TNIP3: variants seen among roughly 807,000 people sequenced by gnomAD.
TNIP3 encodes the protein TNFAIP3 interacting protein 3.
TNIP3 carries 34 observed loss-of-function variants against 54.1 expected under a neutral mutation model. That is an observed-to-expected ratio of 0.63 (90% confidence interval 0.48 to 0.84). TNIP3 has a LOEUF of 0.84. Among genes scored for constraint, TNIP3 ranks in the 40% least tolerant of loss-of-function variants. TNIP3 has a pLI of 0.00. For synonymous variants in TNIP3, 134 were observed against 136.8 expected (o/e 0.98, Z 0.14); for missense variants, 366 against 387.6 (o/e 0.94, Z 0.47).
At chr4:121,186,433 G>A (rs1725024354) in intron 2 of TNIP3, among the ~76,000 whole-genome samples, 1 of 152,142 alleles carries the variant, frequency 6.6e-6, no homozygotes, top group Non-Finnish European at 1.5e-5. Context: ...TCACTATAAT[G>A]AATATGCCTC....
At chr4:121,222,932 A>G (rs1359948060) in intron 1 of TNIP3, among the ~76,000 whole-genome samples, 1 of 151,272 alleles carries the variant, frequency 6.6e-6, no homozygotes, top group Non-Finnish European at 1.5e-5. Context: ...CAGCCTCCCG[A>G]GTAGCTGGGA....
chr4:121,147,307 T>G (rs1159109439), intron 6 of TNIP3, 133 bp from the exon 7 acceptor site: 2 of 1,110,570 alleles, frequency 1.8e-6, no homozygotes, highest in Non-Finnish European at 2.4e-6. Context: ...GTGTCACTGT[T>G]TTGGAGCAAG....
At chr4:121,183,413 G>T (rs928834494) in intron 2 of TNIP3, among the ~76,000 whole-genome samples, 4 of 152,208 alleles carry the variant, frequency 2.6e-5, no homozygotes, top group African/African-American at 9.7e-5. Flanking sequence ...TTCCCAGAGG[G>T]AGTTGCTCAT....
At chr4:121,207,951 A>G (rs1196770255) in intron 2 of TNIP3, among the ~76,000 whole-genome samples, 2 of 152,156 alleles carry the variant, frequency 1.3e-5, no homozygotes, top group African/African-American at 2.4e-5. Context: ...GGTTTCCCCC[A>G]TACTGCTCTT....
In TNIP3 at chr4:121,146,955, A is replaced by G. The variant is rs764620592; in HGVS notation, c.735+94T>C. ...GTGCTGACCTTTAAAAAAAAATTCAATGTCAATTAACAGAAGTCCAAACGT... is the reference window on the plus strand; with the variant it reads ...GTGCTGACCTTTAAAAAAAAATTCAGTGTCAATTAACAGAAGTCCAAACGT... On this transcript the variant is annotated intron_variant, in intron 7 of 10. Transcript: ENST00000057513. 282 of 1,414,062 alleles carry G rather than the reference A, an allele frequency of 2.0e-4. 5 individuals carry two copies. The South Asian group carries it at 2.0e-3, about 10-fold the overall frequency. The allele number at this position is 1,414,062 out of a possible 1,614,324, so 87.6% of individuals were successfully genotyped here.
intron 3 of TNIP3, among the ~76,000 whole-genome samples, chr4:121,179,823 G>T (rs116268505): frequency 1.3e-4 from 20 of 151,962 alleles, no homozygotes; most frequent in Non-Finnish European, 2.5e-4. Context: ...TGGCCAGGGT[G>T]GGGGAGGGAT....
At chr4:121,210,580 A>C (rs965971565) in intron 2 of TNIP3, among the ~76,000 whole-genome samples, 1 of 152,160 alleles carries the variant, frequency 6.6e-6, no homozygotes, top group Non-Finnish European at 1.5e-5. Flanking sequence ...AACAATGGGT[A>C]TTTATTTCTC....
chr4:121,193,787 T>A (rs1289680030), intron 2 of TNIP3, among the ~76,000 whole-genome samples: 2 of 152,180 alleles, frequency 1.3e-5, no homozygotes, highest in Middle Eastern at 3.4e-3. Flanking sequence ...CAAACTATGA[T>A]CATATGACAA....
In TNIP3 at chr4:121,155,521, A is replaced by T. The variant is rs1330715139; in HGVS notation, c.364-842T>A. Among the ~76,000 whole-genome samples the T allele has an allele frequency of 2.6e-5, 4 of 152,164 alleles. No homozygotes were observed. The South Asian group carries it at 6.2e-4, about 24-fold the overall frequency. Reference sequence around the variant, plus strand: ...TGTGATTATTATTTTTAAAAGGTAGAAATCAACTAGTCCAACTGCCACCAC... The same window carrying T: ...TGTGATTATTATTTTTAAAAGGTAGTAATCAACTAGTCCAACTGCCACCAC... On this transcript the variant is annotated intron_variant, in intron 4 of 10. Transcript: ENST00000057513.
At chr4:121,187,650 A>G (rs1725091168) in intron 2 of TNIP3, among the ~76,000 whole-genome samples, 1 of 152,248 alleles carries the variant, frequency 6.6e-6, no homozygotes, top group African/African-American at 2.4e-5. Context: ...AGGTCCCTCC[A>G]ACTGAAATGT....
At chr4:121,174,106 G>T (rs1008436251) in intron 3 of TNIP3, among the ~76,000 whole-genome samples, 1 of 152,166 alleles carries the variant, frequency 6.6e-6, no homozygotes, top group African/African-American at 2.4e-5. Context: ...AATCTTTTCT[G>T]CATCATTCCT....
At chr4:121,178,444 G>A (rs1018258452) in intron 3 of TNIP3, among the ~76,000 whole-genome samples, 9 of 152,182 alleles carry the variant, frequency 5.9e-5, no homozygotes, top group Admixed American at 2.6e-4. Context: ...CACCTCAGTC[G>A]CAAGAGCAAT....
intron 1 of TNIP3, among the ~76,000 whole-genome samples, chr4:121,223,801 A>C (rs1308808944): frequency 1.3e-5 from 2 of 152,230 alleles, no homozygotes; most frequent in Admixed American, 1.3e-4. Context: ...TTAGCAACTA[A>C]GAGGAAAGAG....
At chr4:121,213,072 G>T (rs1050712579) in intron 2 of TNIP3, among the ~76,000 whole-genome samples, 13 of 152,008 alleles carry the variant, frequency 8.6e-5, no homozygotes, top group Non-Finnish European at 1.3e-4. Context: ...TACTCACATG[G>T]AGAAAAAAAG....
intron 1 of TNIP3, 123 bp downstream of exon 1, chr4:121,163,937 C>T (rs537924481): frequency 7.1e-6 from 8 of 1,132,538 alleles, no homozygotes; most frequent in Non-Finnish European, 9.6e-6. Context: ...AAATATAGAG[C>T]AAATCTTAGC....
chr4:121,181,590 G>T (rs1724701469), intron 3 of TNIP3, among the ~76,000 whole-genome samples: 1 of 151,458 alleles, frequency 6.6e-6, no homozygotes, highest in Non-Finnish European at 1.5e-5. Flanking sequence ...AGTATCCACA[G>T]CATATTAAGT....
chr4:121,171,132 T>C (rs1465011247), intron 3 of TNIP3, among the ~76,000 whole-genome samples: 1 of 152,178 alleles, frequency 6.6e-6, no homozygotes, highest in Non-Finnish European at 1.5e-5. Flanking sequence ...GGATATCTTT[T>C]GTCAGATTAA....
intron 3 of TNIP3, chr4:121,182,656 G>GA (rs1724780439): frequency 2.0e-6 from 3 of 1,533,308 alleles, no homozygotes; most frequent in Non-Finnish European, 1.7e-6. Flanking sequence ...GAGATAAGGA[G>GA]AAAAAAGGTG....
At chr4:121,191,586 T>G (rs1725314017) in intron 2 of TNIP3, among the ~76,000 whole-genome samples, 1 of 152,224 alleles carries the variant, frequency 6.6e-6, no homozygotes, top group African/African-American at 2.4e-5. Context: ...AGTTGTCCTT[T>G]AACTTATCAA....
Sources: gnomAD v4.1 joint callset for allele counts (sites outside exome capture counted in the v4.1 genomes callset) on GRCh38, gnomAD v4.1.1 for gene constraint, MANE v1.5 for transcripts, NCBI Gene and HGNC (gene_info 2026-07-23, HGNC 2026-07-21) for gene names.